The following NCS1 variants were observed in gnomAD, a reference collection of about 807,000 sequenced individuals.
NCS1 encodes the protein neuronal calcium sensor 1, also known as frequenin homolog.
Under a neutral mutation model 28.4 loss-of-function variants are expected in NCS1, and 6 were observed. The observed-to-expected ratio is 0.21, with a 90% confidence interval of 0.12 to 0.42. The LOEUF is 0.42. Ranked by LOEUF, NCS1 falls within the 10% of genes least tolerant of loss-of-function variation. The probability of loss-of-function intolerance (pLI) is 1.00; values close to 1 mark genes in which losing one functional copy is unlikely to be tolerated. For synonymous variants in NCS1, 86 were observed against 99.3 expected, an observed-to-expected ratio of 0.87 and a Z score of 0.79; for missense variants, 131 against 241.4, an observed-to-expected ratio of 0.54 and a Z score of 3.03.
chr9:130,187,384 G>T (rs1187963053), intron 1 of NCS1, among the ~76,000 whole-genome samples: 2 of 152,086 alleles, frequency 1.3e-5, no homozygotes, highest in Non-Finnish European at 2.9e-5. Flanking sequence ...GGTCAGGGCC[G>T]AGCCTCCACC....
Position 130,217,847 on chromosome 9 carries a change from C to G in NCS1, c.105C>G (p.Ile35Met), listed in dbSNP as rs782237951. The G allele has an allele frequency of 3.0e-5, 49 of 1,614,086 alleles. No homozygotes were observed. Among genetic ancestry groups the G allele is most frequent in the Non-Finnish European group, 4.0e-5 (47 of 1,180,034 alleles). Residue 35 changes from isoleucine to methionine, a missense_variant, in exon 3 of 8, where the codon ATC (isoleucine) becomes ATG (methionine). Ile to Met is a conservative substitution (Grantham distance 10). Around this residue, in one of 2 missense-constraint regions of NCS1, gnomAD observed 100 missense variants for 210.3 expected, o/e 0.48. Coordinates refer to ENST00000372398, the MANE Select transcript of NCS1 (RefSeq NM_014286.4). ...KEVQQWYKGF[I>M]KDCPSGQLDA... ...CTGCCTCCAGGTACAAAGGCTTCAT[C>G]AAGGACTGCCCCAGTGGGCAGCTGG...
intron 1 of NCS1, among the ~76,000 whole-genome samples, chr9:130,188,944 T>A (rs550845374): frequency 6.6e-6 from 1 of 151,538 alleles, no homozygotes; most frequent in South Asian, 2.1e-4. Flanking sequence ...CTCAAACTCC[T>A]GACCTCTGGT....
intron 1 of NCS1, among the ~76,000 whole-genome samples, chr9:130,178,740 A>G (rs1832610534): frequency 6.6e-6 from 1 of 151,736 alleles, no homozygotes; most frequent in Admixed American, 6.6e-5. Flanking sequence ...ATGAGACCGA[A>G]GGTGATCATG....
At chr9:130,213,996 T>G (rs2039984) in intron 2 of NCS1, among the ~76,000 whole-genome samples, 3 of 152,256 alleles carry the variant, frequency 2.0e-5, no homozygotes, top group African/African-American at 7.2e-5. Context: ...TGGGCTCTTG[T>G]TCCCTCTGCC....
intron 3 of NCS1, among the ~76,000 whole-genome samples, chr9:130,218,287 CAT>C (rs1312861380): frequency 6.6e-6 from 1 of 152,250 alleles, no homozygotes; most frequent in African/African-American, 2.4e-5. Flanking sequence ...ACCATGCACA[CAT>C]GTGGGCACAC....
chr9:130,180,552 G>A lies in NCS1; in HGVS notation c.64+7825G>A, dbSNP rs1242559336. ...GTTGCGGCGTTTCTAGGTAACTTGA[G>A]ATTGGGGTCATATTCTGACCAAGGG... On this transcript the variant is annotated intron_variant, in intron 1 of 7. Coordinates refer to ENST00000372398, the MANE Select transcript of NCS1 (RefSeq NM_014286.4). The surrounding 1 kb of genome is among the most constrained non-coding windows in gnomAD (Gnocchi z 4.5). Among the ~76,000 whole-genome samples the A allele has an allele frequency of 2.0e-5, 3 of 152,188 alleles. No individual in the cohort carries two copies. Among genetic ancestry groups the A allele is most frequent in the Admixed American group, 2.0e-4 (3 of 15,276 alleles).
intron 1 of NCS1, among the ~76,000 whole-genome samples, chr9:130,183,521 T>C (rs1564702848): frequency 6.6e-6 from 1 of 152,190 alleles, no homozygotes; most frequent in Non-Finnish European, 1.5e-5. Flanking sequence ...ATTTCAGGCT[T>C]GAGTTTTCAG....
intron 6 of NCS1, among the ~76,000 whole-genome samples, chr9:130,224,451 G>A (rs1193390212): frequency 8.6e-5 from 13 of 150,520 alleles, no homozygotes; most frequent in South Asian, 2.1e-4. Context: ...CCAGCTACTC[G>A]GGAGGCTGAG....
rs529300289 is a variant in NCS1, at chr9:130,190,420, T to C, written c.65-10538T>C. ...CATCTATTTTCTACGTATGTAACTA[T>C]GGTAGGTTTTATCGCCCTTAGTTTT... is the stretch of plus-strand genomic sequence containing the variant. On this transcript the variant is annotated intron_variant, in intron 1 of 7. Transcript: ENST00000372398. Among the ~76,000 whole-genome samples the C allele has an allele frequency of 1.3e-5, 2 of 152,318 alleles. 1 individual carries two copies. The highest frequency in any genetic ancestry group is 4.1e-4 in the South Asian group (2 of 4,824).
At chr9:130,223,054 C>T in intron 5 of NCS1, 28 bp from the exon 6 acceptor site, 2 of 1,600,550 alleles carry the variant, frequency 1.2e-6, no homozygotes, top group Non-Finnish European at 1.7e-6. Flanking sequence ...AGTGCCAGGG[C>T]CCACCCCCGC....
rs1554910618 is a variant in NCS1, at chr9:130,222,054, TAC to T, written c.308-594_308-593del. 2.3e-5 allele frequency among the ~76,000 whole-genome samples: 3 copies of T among 129,040 alleles called. 1 individual carries two copies. The highest frequency in any genetic ancestry group is 9.0e-5 in the African/African-American group (3 of 33,176). 84.7% of individuals were successfully genotyped at this position (129,040 alleles called of 152,430 possible). ...TAAATTATGTATCTATAAATATATATACATAAATATAAATTATGTATCTATAA... is the reference window on the plus strand; with the variant it reads ...TAAATTATGTATCTATAAATATATATATAAATATAAATTATGTATCTATAA... On this transcript the variant is annotated intron_variant, in intron 4 of 7. Transcript: ENST00000372398.
chr9:130,186,417 G>C lies in NCS1; in HGVS notation c.64+13690G>C, dbSNP rs1554905636. 6.6e-6 allele frequency among the ~76,000 whole-genome samples: 1 copy of C among 152,132 alleles called. No homozygotes were observed. The highest frequency in any genetic ancestry group is 1.5e-5 in the Non-Finnish European group (1 of 68,026). On this transcript the variant is annotated intron_variant, in intron 1 of 7. Coordinates refer to ENST00000372398, the MANE Select transcript of NCS1 (RefSeq NM_014286.4). This position sits in a 1 kb window ranked among gnomAD's most constrained non-coding sequence, Gnocchi z 4.1. ...CAGACATACTGAAAAATGATTTGCT[G>C]TTTACCTGATATTTGAACTTAACAG...
intron 1 of NCS1, among the ~76,000 whole-genome samples, chr9:130,195,846 G>A (rs1007655278): frequency 2.6e-5 from 4 of 152,258 alleles, no homozygotes; most frequent in African/African-American, 7.2e-5. Flanking sequence ...AGTGGGGTCA[G>A]GATGCGGGCC....
At chr9:130,190,227 C>G (rs1193118800) in intron 1 of NCS1, among the ~76,000 whole-genome samples, 1 of 152,170 alleles carries the variant, frequency 6.6e-6, no homozygotes, top group Non-Finnish European at 1.5e-5. Context: ...GTGCCAGATG[C>G]TACCATTTGG....
chr9:130,230,573 G>C (rs571499281), intron 7 of NCS1, among the ~76,000 whole-genome samples: 50 of 152,214 alleles, frequency 3.3e-4, no homozygotes, highest in African/African-American at 1.2e-3. Context: ...GCCAGGTGTG[G>C]TGGCACATGC....
At chr9:130,206,930 G>A (rs1415442721) in intron 2 of NCS1, among the ~76,000 whole-genome samples, 2 of 152,122 alleles carry the variant, frequency 1.3e-5, no homozygotes, top group Non-Finnish European at 2.9e-5. Flanking sequence ...CCTGAGAAGC[G>A]CCAGGTCAGC....
intron 1 of NCS1, among the ~76,000 whole-genome samples, chr9:130,190,562 C>A (rs1832804999): frequency 6.6e-6 from 1 of 152,188 alleles, no homozygotes; most frequent in African/African-American, 2.4e-5. Flanking sequence ...CTCAGCCAGT[C>A]AAAGCAAGTT....
At chr9:130,200,662 CTT>C (rs1162320598) in intron 1 of NCS1, 1 of 1,551,786 alleles carries the variant, frequency 6.4e-7, no homozygotes, top group East Asian at 2.4e-5. Flanking sequence ...GAAGCAAACC[CTT>C]GAGTGCCACA....
chr9:130,223,058 C>T (rs1445600309), intron 5 of NCS1, 24 bp from the exon 6 acceptor site: 3 of 1,606,432 alleles, frequency 1.9e-6, no homozygotes, highest in Non-Finnish European at 1.7e-6. Flanking sequence ...CCAGGGCCCA[C>T]CCCCGCCTTG....
Sources: gnomAD v4.1 joint callset for allele counts (sites outside exome capture counted in the v4.1 genomes callset) on GRCh38, gnomAD v4.1.1 for gene constraint, gnomAD v4.1.1 regional missense constraint, Gnocchi (gnomAD v3.1) non-coding constraint, MANE v1.5 for transcripts, NCBI Gene and HGNC (gene_info 2026-07-23, HGNC 2026-07-21) for gene names.